CEP41: variants seen among roughly 807,000 people sequenced by gnomAD.
CEP41 encodes centrosomal protein 41, also known as centrosomal protein of 41 kDa.
CEP41 carries 32 observed loss-of-function variants against 44.3 expected under a neutral mutation model. That is an observed-to-expected ratio of 0.72 (90% CI 0.54 to 0.97). The LOEUF (loss-of-function observed/expected upper bound fraction) is 0.97, where lower values mean the gene tolerates loss of function less well. Among genes scored for constraint, CEP41 ranks in the 50% least tolerant of loss-of-function variants. The probability of loss-of-function intolerance (pLI) is 0.00; values close to 1 mark genes in which losing one functional copy is unlikely to be tolerated. For missense variants in CEP41, 432 were observed against 455.2 expected (o/e 0.95, Z 0.46); for synonymous variants, 151 against 168.5 (o/e 0.90, Z 0.80).
chr7:130,401,274 T>G (rs782710600), intron 8 of CEP41: 1 of 182,240 alleles, frequency 5.5e-6, no homozygotes, highest in Non-Finnish European at 1.2e-5. Flanking sequence ...TTACACAGCA[T>G]CAAAAATGTG....
intron 2 of CEP41, chr7:130,417,336 A>G: frequency 9.2e-7 from 1 of 1,091,344 alleles, no homozygotes; most frequent in South Asian, 2.7e-5. Flanking sequence ...GATACACAGA[A>G]GAGGAGCAAA....
At position 130,394,572 on chromosome 7, in the gene CEP41, T is replaced by C. The variant is rs1359924949; in HGVS notation, c.*4319A>G. The C allele has an allele frequency of 8.8e-6, 4 of 453,948 alleles. No individual in the cohort carries two copies. The highest frequency in any genetic ancestry group is 8.0e-5 in the African/African-American group (4 of 50,002). The allele number at this position is 453,948 out of a possible 1,614,324, so 28.1% of individuals were successfully genotyped here. On this transcript the variant is annotated 3_prime_UTR_variant, in exon 11 of 11. Transcript: ENST00000223208. ...GGTAATAACACCCCCAGCAGCTCTC[T>C]GGGTACTTCCTGTAGAGGGAGATCT... is the stretch of plus-strand genomic sequence containing the variant.
chr7:130,421,647 A>C, intron 2 of CEP41: 2 of 1,049,598 alleles, frequency 1.9e-6, no homozygotes, highest in Non-Finnish European at 2.3e-6. Context: ...GAGATAATAA[A>C]AGGAAGGTGA....
rs2117565497 is a variant in CEP41, at chr7:130,402,789, C to A, written c.433G>T (p.Gly145Cys). ...SRSTLQSVIS[G>C]VGELDLDKGP... ...TTGTCTAGATCCAGTTCCCCAACAC[C>A]ACTGATGACACTGCAAGTGAAAAAG... Residue 145 changes from glycine (G) to cysteine (C), a missense_variant, in exon 7 of 11, where the codon GGT (glycine) becomes TGT (cysteine). Transcript: ENST00000223208. 1 of 1,614,116 alleles carries A rather than the reference C, an allele frequency of 6.2e-7. No homozygotes were observed. The highest frequency in any genetic ancestry group is 8.5e-7 in the Non-Finnish European group (1 of 1,179,978).
At chr7:130,406,856 T>C (rs1190265720) in intron 5 of CEP41, among the ~76,000 whole-genome samples, 2 of 151,786 alleles carry the variant, frequency 1.3e-5, no homozygotes, top group East Asian at 3.9e-4. Flanking sequence ...CATTAGGAGA[T>C]ATACCTAATG....
chr7:130,398,848 G>T lies in CEP41; in HGVS notation c.*43C>A. ...AACTTGGGAAATGCTCAGGGGTTCT[G>T]AAAAGAGGAAGAACATTTATTTGCC... On this transcript the variant is annotated 3_prime_UTR_variant, in exon 11 of 11. Coordinates refer to ENST00000223208, the MANE Select transcript of CEP41 (RefSeq NM_018718.3). The T allele has an allele frequency of 1.2e-6, 2 of 1,611,682 alleles. No individual in the cohort carries two copies. Among genetic ancestry groups the T allele is most frequent in the Non-Finnish European group, 1.7e-6 (2 of 1,177,896 alleles).
rs200999928 is a variant in CEP41, at chr7:130,428,922, T to TA, written c.34-905dup. Among the ~76,000 whole-genome samples, 230 of 150,808 alleles carry TA rather than the reference T, an allele frequency of 1.5e-3. 1 individual carries two copies. The East Asian group carries it at 0.022, about 14-fold the overall frequency. Reference sequence around the variant, plus strand: ...TGAGACTCTGTCTCAAAAAAATAAATAAATAAATAAATAAATAAATAAATA... The same window carrying TA: ...TGAGACTCTGTCTCAAAAAAATAAATAAAATAAATAAATAAATAAATAAATA... On this transcript the variant is annotated intron_variant, in intron 1 of 10. Coordinates refer to ENST00000223208, the MANE Select transcript of CEP41 (RefSeq NM_018718.3).
chr7:130,423,237 T>C (rs1262428688), intron 2 of CEP41, among the ~76,000 whole-genome samples: 3 of 152,148 alleles, frequency 2.0e-5, no homozygotes, highest in Non-Finnish European at 1.5e-5. Flanking sequence ...TGTGAGCCAC[T>C]GCGCCCAGCC....
chr7:130,410,894 C>G (rs1454650432), intron 5 of CEP41: 4 of 598,982 alleles, frequency 6.7e-6, no homozygotes, highest in Non-Finnish European at 8.9e-6. Context: ...TTAAACACAT[C>G]TAAAACATTT....
At chr7:130,434,692 T>C (rs1198165653) in intron 1 of CEP41, among the ~76,000 whole-genome samples, 1 of 152,214 alleles carries the variant, frequency 6.6e-6, no homozygotes, top group African/African-American at 2.4e-5. Flanking sequence ...GCAAATCGTA[T>C]ACAAATAGCA....
intron 10 of CEP41, 199 bp downstream of exon 10, chr7:130,399,840 T>A: frequency 1.8e-6 from 1 of 549,250 alleles, no homozygotes; most frequent in Non-Finnish European, 3.2e-6. Context: ...AAAGTCGCTA[T>A]GTTTTGATAA....
Position 130,396,802 on chromosome 7 carries a change from G to T in CEP41, c.*2089C>A. On this transcript the variant is annotated 3_prime_UTR_variant, in exon 11 of 11. Transcript: ENST00000223208. ...AAATACACATAAATATATCCAACCT[G>T]CCAGATCTCTCAGGTGAGTGCACAC... 1 of 453,974 alleles carries T rather than the reference G, an allele frequency of 2.2e-6. No individual in the cohort carries two copies. Among genetic ancestry groups the T allele is most frequent in the Non-Finnish European group, 4.4e-6 (1 of 226,660 alleles). The allele number at this position is 453,974 out of a possible 1,614,324, so 28.1% of individuals were successfully genotyped here. A position where few individuals can be genotyped will look rare whatever the true frequency, so the allele number is the denominator to read the frequency against.
Position 130,427,902 on chromosome 7 carries a change from C to A in CEP41, c.97+53G>T. On this transcript the variant is annotated intron_variant, in intron 2 of 10. Transcript: ENST00000223208. ...CCAGATATGTGGGGTTGCTTTCTGT[C>A]AATAATTAGCTATTAGATTTTTTTT... 2.4e-6 allele frequency: 3 copies of A among 1,244,414 alleles called. No homozygotes were observed. The South Asian group carries it at 3.7e-5, about 15-fold the overall frequency. The allele number at this position is 1,244,414 out of a possible 1,614,324, so 77.1% of individuals were successfully genotyped here.
intron 1 of CEP41, among the ~76,000 whole-genome samples, chr7:130,429,316 G>A (rs570373952): frequency 6.6e-6 from 1 of 152,022 alleles, no homozygotes; most frequent in South Asian, 2.1e-4. Context: ...CAAGTTTAGG[G>A]TCAGCAAAAA....
intron 2 of CEP41, chr7:130,421,952 TC>T: frequency 6.5e-7 from 1 of 1,535,814 alleles, no homozygotes; most frequent in South Asian, 1.2e-5. Context: ...AGAAGCATAA[TC>T]CATTCATGGC....
intron 1 of CEP41, among the ~76,000 whole-genome samples, chr7:130,435,328 G>A (rs1172508980): frequency 2.6e-5 from 4 of 152,078 alleles, no homozygotes; most frequent in Non-Finnish European, 5.9e-5. Context: ...GAAAGGAAAT[G>A]TAATCCTACA....
chr7:130,397,197 A>G lies in CEP41; in HGVS notation c.*1694T>C. The G allele has an allele frequency of 2.2e-6, 1 of 454,518 alleles. No individual in the cohort carries two copies. Among genetic ancestry groups the G allele is most frequent in the Non-Finnish European group, 4.4e-6 (1 of 226,780 alleles). 28.2% of individuals were successfully genotyped at this position (454,518 alleles called of 1,614,324 possible). Reference sequence around the variant, plus strand: ...AAAGGCTGAACTAAGTTCTCAGGCAATAAATTTATGGGGAAACATGACAGG... The same window carrying G: ...AAAGGCTGAACTAAGTTCTCAGGCAGTAAATTTATGGGGAAACATGACAGG... On this transcript the variant is annotated 3_prime_UTR_variant, in exon 11 of 11. Transcript: ENST00000223208.
rs782303641 is a variant in CEP41, at chr7:130,400,741, C to T, written c.723G>A (p.Glu241=). The T allele has an allele frequency of 4.6e-5, 74 of 1,613,526 alleles. No individual in the cohort carries two copies. The highest frequency in any genetic ancestry group is 4.2e-4 in the South Asian group (38 of 90,874). The change falls in exon 9 of 11, where the codon GAG becomes GAA. Residue 241 remains glutamate (E), a synonymous_variant. Coordinates refer to ENST00000223208, the MANE Select transcript of CEP41 (RefSeq NM_018718.3). ...GCATGAAGAGGTTTTCAAATCCACG[C>T]TCGCACATGGTGGTGGCCGCCTGAC... ...LASQAATTMC[E]RGFENLFMLS...
chr7:130,439,070 T>C (rs1469973250), intron 1 of CEP41, among the ~76,000 whole-genome samples: 5 of 152,304 alleles, frequency 3.3e-5, no homozygotes, highest in Admixed American at 1.3e-4. Flanking sequence ...ACCCAGATTT[T>C]CTTCTGCCTC....
Sources: allele counts gnomAD v4.1 joint callset (sites outside exome capture counted in the v4.1 genomes callset), GRCh38; gene constraint gnomAD v4.1.1; transcripts MANE v1.5; gene names NCBI Gene and HGNC (gene_info 2026-07-23, HGNC 2026-07-21).